The following PPP1R8 variants were observed in gnomAD, a reference collection of about 807,000 sequenced individuals.
PPP1R8 encodes the protein protein phosphatase 1 regulatory subunit 8.
Under a neutral mutation model 31.3 loss-of-function variants are expected in PPP1R8, and 4 were observed. The observed-to-expected ratio is 0.13, with a 90% CI of 0.06 to 0.29. PPP1R8 has a LOEUF of 0.29. PPP1R8 is among the 10% of genes least tolerant of loss of function. The pLI is 1.00. For missense variants in PPP1R8, 254 were observed against 440.1 expected, an observed-to-expected ratio of 0.58 and a Z score of 3.78; for synonymous variants, 170 against 169.7, an observed-to-expected ratio of 1.00 and a Z score of -0.01.
At chr1:27,832,856 A>G (rs1473614780) in intron 2 of PPP1R8, 40 bp downstream of exon 2, 7 of 1,541,326 alleles carry the variant, frequency 4.5e-6, no homozygotes, top group Non-Finnish European at 6.2e-6. Flanking sequence ...CTGCCACACT[A>G]AAGATTTTTG....
At chr1:27,839,303 G>A (rs376399356) in intron 3 of PPP1R8, among the ~76,000 whole-genome samples, 3 of 152,138 alleles carry the variant, frequency 2.0e-5, no homozygotes, top group African/African-American at 2.4e-5. Flanking sequence ...CGAGGTGGGC[G>A]AATCATTTGA....
chr1:27,840,581 T>C (rs774454215), intron 3 of PPP1R8, among the ~76,000 whole-genome samples: 12 of 152,260 alleles, frequency 7.9e-5, no homozygotes, highest in Admixed American at 2.6e-4. Context: ...AAAACTACAG[T>C]GATGTCCAGC....
chr1:27,849,949 C>A (rs765155649), intron 6 of PPP1R8, 144 bp from the exon 7 acceptor site: 3 of 711,038 alleles, frequency 4.2e-6, no homozygotes, highest in Non-Finnish European at 7.0e-6. Context: ...AATAGGTTGT[C>A]TGGAAAGGAG....
chr1:27,835,095 G>A (rs991286917), intron 2 of PPP1R8, among the ~76,000 whole-genome samples: 1 of 151,956 alleles, frequency 6.6e-6, no homozygotes, highest in Admixed American at 6.6e-5. Flanking sequence ...TAATTTGGAG[G>A]CACTCTTTTT....
intron 6 of PPP1R8, among the ~76,000 whole-genome samples, chr1:27,848,111 T>G (rs2089303281): frequency 6.6e-6 from 1 of 152,138 alleles, no homozygotes; most frequent in Admixed American, 6.6e-5. Context: ...AATTTAAAGA[T>G]AAGTATGTTG....
chr1:27,846,898 C>G (rs990455570), intron 5 of PPP1R8, 130 bp from the exon 6 acceptor site: 12 of 754,700 alleles, frequency 1.6e-5, no homozygotes, highest in Non-Finnish European at 2.8e-5. Flanking sequence ...ATGCCCAGCA[C>G]CCAGGAAGCA....
intron 2 of PPP1R8, among the ~76,000 whole-genome samples, chr1:27,835,633 A>T (rs563919303): frequency 6.6e-6 from 1 of 152,370 alleles, no homozygotes; most frequent in South Asian, 2.1e-4. Context: ...TGATTGTTTA[A>T]GGAAAAGAGT....
chr1:27,839,039 G>A (rs1414522109), intron 3 of PPP1R8, among the ~76,000 whole-genome samples, 187 bp downstream of exon 3: 1 of 152,118 alleles, frequency 6.6e-6, no homozygotes, highest in Non-Finnish European at 1.5e-5. Context: ...AGAGAAGAGG[G>A]GTTTGGGGAG....
intron 1 of PPP1R8, 31 bp from the exon 2 acceptor site, chr1:27,832,725 G>C (rs760032683): frequency 6.3e-7 from 1 of 1,582,054 alleles, no homozygotes; most frequent in Non-Finnish European, 8.7e-7. Context: ...AACCCATCCT[G>C]AAAATGCTTT....
chr1:27,841,108 G>A lies in PPP1R8; in HGVS notation c.366G>A (p.Arg122=), dbSNP rs371824108. 6.2e-6 allele frequency: 10 copies of A among 1,614,168 alleles called. No homozygotes were observed. In the African/African-American group the frequency reaches 1.1e-4, roughly 17 times the overall value. Residue 122 remains arginine, a synonymous_variant, in exon 4 of 7, where the codon AGG becomes AGA. Transcript: ENST00000311772. The part of the protein sequence containing the change: ...DSTVSFGAST[R]AYTLREKPQT... ...CGGTCTCATTTGGCGCATCCACAAG[G>A]GCATACACTCTGCGCGAGAAGCCTC...
intron 3 of PPP1R8, 25 bp from the exon 4 acceptor site, chr1:27,840,989 A>AC: frequency 6.2e-7 from 1 of 1,610,676 alleles, no homozygotes; most frequent in South Asian, 1.1e-5. Flanking sequence ...TTTCCCCCTT[A>AC]CGTTTCTGAT....
chr1:27,832,086 T>C (rs538186614), intron 1 of PPP1R8, among the ~76,000 whole-genome samples: 2 of 152,332 alleles, frequency 1.3e-5, no homozygotes, highest in Admixed American at 6.5e-5. Flanking sequence ...TCACCTACCC[T>C]TTCCTTAGGA....
intron 2 of PPP1R8, chr1:27,834,653 G>A (rs552567113): frequency 2.3e-6 from 1 of 435,246 alleles, no homozygotes; most frequent in Non-Finnish European, 4.6e-6. Context: ...CACTTGGACA[G>A]AAGCAGCACA....
chr1:27,832,920 A>T (rs1334160017), intron 2 of PPP1R8, 104 bp downstream of exon 2: 2 of 945,892 alleles, frequency 2.1e-6, no homozygotes, highest in Non-Finnish European at 3.2e-6. Flanking sequence ...CAGCAATGCT[A>T]CTTTCTTTCA....
intron 3 of PPP1R8, among the ~76,000 whole-genome samples, chr1:27,840,775 A>G (rs2089214990): frequency 6.6e-6 from 1 of 152,152 alleles, no homozygotes; most frequent in Non-Finnish European, 1.5e-5. Flanking sequence ...TTTCCTTCTC[A>G]CTGTAACACA....
At position 27,830,852 on chromosome 1, in the gene PPP1R8, A is replaced by C; in HGVS notation, c.17A>C (p.Asn6Thr). ...AGACGCAAGATGGCGGCAGCCGCGA[A>C]CTCCGGCTCTAGCCTCCCGCTGTTC... MAAAA[N>T]SGSSLPLFDC... The change falls in exon 1 of 7, where the codon AAC becomes ACC. Residue 6 changes from asparagine (N) to threonine (T), a missense_variant. Transcript: ENST00000311772. The C allele has an allele frequency of 6.3e-7, 1 of 1,576,422 alleles. No individual in the cohort carries two copies. Among genetic ancestry groups the C allele is most frequent in the Non-Finnish European group, 8.6e-7 (1 of 1,162,166 alleles).
intron 2 of PPP1R8, among the ~76,000 whole-genome samples, chr1:27,833,504 C>T (rs2148614072): frequency 6.6e-6 from 1 of 152,272 alleles, no homozygotes; most frequent in Non-Finnish European, 1.5e-5. Context: ...CTAGAGAGAA[C>T]ACCACATAGG....
At chr1:27,845,113 G>A (rs572972774) in intron 5 of PPP1R8, among the ~76,000 whole-genome samples, 13 of 141,978 alleles carry the variant, frequency 9.2e-5, no homozygotes, top group East Asian at 4.3e-4. Flanking sequence ...GCCCTCGGCC[G>A]GGCACGGTGG....
At position 27,841,115 on chromosome 1, in the gene PPP1R8, ACT is replaced by A; in HGVS notation, c.376_377del (p.Leu126AlafsTer15). On this transcript the variant is annotated frameshift_variant, in exon 4 of 7. Coordinates refer to ENST00000311772, the MANE Select transcript of PPP1R8 (RefSeq NM_014110.5). LOFTEE classifies it high-confidence loss of function. The part of the protein sequence containing the change: ...VSFGASTRAY[T>X]LREKPQTLPS... ...ATTTGGCGCATCCACAAGGGCATACACTCTGCGCGAGAAGCCTCAGACATTGC... is the reference window on the plus strand; with the variant it reads ...ATTTGGCGCATCCACAAGGGCATACACTGCGCGAGAAGCCTCAGACATTGC... 6.2e-7 allele frequency: 1 copy of A among 1,614,102 alleles called. No individual in the cohort carries two copies. Among genetic ancestry groups the A allele is most frequent in the Non-Finnish European group, 8.5e-7 (1 of 1,180,022 alleles).
Sources: gnomAD v4.1 joint callset for allele counts (sites outside exome capture counted in the v4.1 genomes callset) on GRCh38, gnomAD v4.1.1 for gene constraint, MANE v1.5 for transcripts, NCBI Gene and HGNC (gene_info 2026-07-23, HGNC 2026-07-21) for gene names.